Variants in USH2A observed in about 807,000 individuals in gnomAD.
The protein encoded by USH2A is Usher syndrome 2A (autosomal recessive, mild).
Under a neutral mutation model 538.9 loss-of-function variants are expected in USH2A, and 443 were observed. That is an observed-to-expected ratio of 0.82 (90% confidence interval 0.76 to 0.89). USH2A has a LOEUF of 0.89. Ranked by LOEUF, USH2A falls within the 40% of genes least tolerant of loss-of-function variation. The probability of loss-of-function intolerance (pLI) is 0.00; values close to 1 mark genes in which losing one functional copy is unlikely to be tolerated. For synonymous variants in USH2A, 2,413 were observed against 2,273.5 expected (o/e 1.06, Z -1.75); for missense variants, 6,633 against 6,324.8 (o/e 1.05, Z -1.65).
chr1:216,223,951 A>G (rs1160411324), intron 14 of USH2A, among the ~76,000 whole-genome samples: 2 of 152,176 alleles, frequency 1.3e-5, no homozygotes, highest in Admixed American at 6.5e-5. Flanking sequence ...TAATCTGGGC[A>G]TAGAAGAACT....
chr1:215,742,285 A>G (rs776710878), intron 59 of USH2A, among the ~76,000 whole-genome samples: 7 of 152,184 alleles, frequency 4.6e-5, no homozygotes, highest in Non-Finnish European at 8.8e-5. Flanking sequence ...GACATTCAAT[A>G]CAGGAGTTTC....
intron 21 of USH2A, among the ~76,000 whole-genome samples, chr1:216,141,059 G>C (rs2033592324): frequency 6.6e-6 from 1 of 152,138 alleles, no homozygotes; most frequent in African/African-American, 2.4e-5. Flanking sequence ...TGGGGGCAGG[G>C]CTCCCATTTA....
intron 44 of USH2A, among the ~76,000 whole-genome samples, chr1:215,853,262 C>T (rs563279521): frequency 4.1e-4 from 62 of 152,322 alleles, no homozygotes; most frequent in Middle Eastern, 3.4e-3. Context: ...CCTCTGAAGC[C>T]GTGGCCCAAG....
chr1:215,763,728 T>C (rs1470308978), intron 56 of USH2A, among the ~76,000 whole-genome samples: 15 of 152,000 alleles, frequency 9.9e-5, no homozygotes, highest in Admixed American at 9.8e-4. Flanking sequence ...AGAATCAGGA[T>C]GTGGGATGTG....
chr1:216,202,364 G>A (rs1187591755), intron 16 of USH2A, among the ~76,000 whole-genome samples: 1 of 152,176 alleles, frequency 6.6e-6, no homozygotes, highest in Non-Finnish European at 1.5e-5. Flanking sequence ...ATAGAATTGG[G>A]ATGGAAATAT....
At chr1:216,251,599 C>T (rs1464709087) in intron 11 of USH2A, among the ~76,000 whole-genome samples, 4 of 151,820 alleles carry the variant, frequency 2.6e-5, no homozygotes, top group Non-Finnish European at 2.9e-5. Flanking sequence ...TACAGGCGCC[C>T]GCCACCACGC....
intron 38 of USH2A, among the ~76,000 whole-genome samples, chr1:215,929,427 C>A (rs1441966970): frequency 6.6e-6 from 1 of 151,998 alleles, no homozygotes; most frequent in East Asian, 1.9e-4. Flanking sequence ...ACAACCACCC[C>A]TTAGCAGGGT....
intron 13 of USH2A, among the ~76,000 whole-genome samples, chr1:216,245,470 TGA>T (rs10535828): frequency 0.26 from 29,642 of 113,568 alleles, 3,603 homozygotes; most frequent in East Asian, 0.35. Flanking sequence ...AGTCCCCTTC[TGA>T]GAGAGAGAGA....
At chr1:215,707,376 C>A (rs1487226538) in intron 61 of USH2A, among the ~76,000 whole-genome samples, 1 of 152,098 alleles carries the variant, frequency 6.6e-6, no homozygotes, top group Admixed American at 6.6e-5. Context: ...ACTAGATGTA[C>A]CTTAGGTAAA....
intron 15 of USH2A, among the ~76,000 whole-genome samples, chr1:216,213,658 T>C (rs1340603848): frequency 1.3e-5 from 2 of 151,970 alleles, no homozygotes; most frequent in Non-Finnish European, 2.9e-5. Context: ...GAGAATTTTT[T>C]TTTTTCACAT....
chr1:215,923,644 A>G (rs1246931315), intron 38 of USH2A, among the ~76,000 whole-genome samples: 1 of 152,108 alleles, frequency 6.6e-6, no homozygotes, highest in Non-Finnish European at 1.5e-5. Flanking sequence ...ATCTTGAAAG[A>G]GCCCAGGGTG....
In USH2A at chr1:216,327,587, T is replaced by C; in HGVS notation, c.848+4A>G. 6.2e-7 allele frequency: 1 copy of C among 1,613,144 alleles called. No homozygotes were observed. Among genetic ancestry groups the C allele is most frequent in the Non-Finnish European group, 8.5e-7 (1 of 1,179,414 alleles). On this transcript the variant is annotated splice_donor_region_variant and intron_variant, in intron 5 of 71. Coordinates refer to ENST00000307340, the MANE Select transcript of USH2A (RefSeq NM_206933.4). ...TTGAGGTTTACAATGCAACATCTGC[T>C]TACCTGTTTGTAAGTGCCACTTGGT... is the stretch of plus-strand genomic sequence containing the variant.
rs563263778 is a variant in USH2A at position 215,931,446 on chromosome 1, G to T, written c.7300+3170C>A. Among the ~76,000 whole-genome samples, 4 of 151,988 alleles carry T rather than the reference G, an allele frequency of 2.6e-5. 1 individual carries two copies. In the East Asian group the frequency reaches 7.8e-4, roughly 29 times the overall value. Reference sequence around the variant, plus strand: ...TGAGAAAAGTAACCACTATAGGGAAGAATAAAAGAATGAAGAGTTGGCATA... The same window carrying T: ...TGAGAAAAGTAACCACTATAGGGAATAATAAAAGAATGAAGAGTTGGCATA... On this transcript the variant is annotated intron_variant, in intron 38 of 71. Coordinates refer to ENST00000307340, the MANE Select transcript of USH2A (RefSeq NM_206933.4).
intron 38 of USH2A, among the ~76,000 whole-genome samples, chr1:215,919,297 C>T (rs978742823): frequency 2.6e-5 from 4 of 152,066 alleles, no homozygotes; most frequent in African/African-American, 4.8e-5. Flanking sequence ...AACTGTGCAA[C>T]GTAACAACTA....
At chr1:215,698,269 A>G (rs181706758) in intron 61 of USH2A, among the ~76,000 whole-genome samples, 1 of 152,166 alleles carries the variant, frequency 6.6e-6, no homozygotes, top group Admixed American at 6.5e-5. Flanking sequence ...GATATTGTGA[A>G]TAGTGCCACA....
chr1:215,733,572 C>T (rs1660068897), intron 60 of USH2A, among the ~76,000 whole-genome samples: 1 of 152,202 alleles, frequency 6.6e-6, no homozygotes, highest in East Asian at 1.9e-4. Context: ...TCTGGAGACT[C>T]ATCTCCTTTC....
At chr1:215,680,449 TC>T (rs1658190750) in intron 61 of USH2A, 73 bp from the exon 62 acceptor site, 6 of 1,483,158 alleles carry the variant, frequency 4.0e-6, no homozygotes, top group Non-Finnish European at 5.6e-6. Flanking sequence ...AAAGTCATTC[TC>T]TGAACCTCAT....
At chr1:216,301,839 C>CT (rs1319013466) in intron 9 of USH2A, among the ~76,000 whole-genome samples, 1 of 152,128 alleles carries the variant, frequency 6.6e-6, no homozygotes, top group Admixed American at 6.5e-5. Context: ...CCTTTCTCAT[C>CT]AGTAGAAACC....
chr1:215,850,182 C>G (rs1174900006), intron 44 of USH2A, among the ~76,000 whole-genome samples: 1 of 151,842 alleles, frequency 6.6e-6, no homozygotes, highest in Non-Finnish European at 1.5e-5. Flanking sequence ...ACATTGAAAA[C>G]AGCAGATGAG....
Sources: allele counts gnomAD v4.1 joint callset (sites outside exome capture counted in the v4.1 genomes callset), GRCh38; gene constraint gnomAD v4.1.1; transcripts MANE v1.5; gene names NCBI Gene and HGNC (gene_info 2026-07-23, HGNC 2026-07-21).